The following EVL variants were observed in gnomAD, a reference collection of about 807,000 sequenced individuals.
EVL encodes the protein ena/VASP-like protein.
In EVL, 21 loss-of-function variants were observed where a neutral mutation model predicts 59.6. That is an observed-to-expected ratio of 0.35 (90% CI 0.25 to 0.51). The LOEUF (loss-of-function observed/expected upper bound fraction) is 0.51, where lower values mean the gene tolerates loss of function less well. EVL is among the 20% of genes least tolerant of loss of function. EVL has a pLI of 0.97. For missense variants in EVL, 462 were observed against 546.6 expected (o/e 0.85, Z 1.54); for synonymous variants, 198 against 203.5 (o/e 0.97, Z 0.23).
intron 13 of EVL, 22 bp from the exon 14 acceptor site, chr14:100,143,679 G>A (rs774202178): frequency 6.2e-7 from 1 of 1,610,974 alleles, no homozygotes; most frequent in East Asian, 2.2e-5. Context: ...CTGCACCTGA[G>A]CCGCCGCCAC....
intron 1 of EVL, among the ~76,000 whole-genome samples, chr14:100,022,941 G>A (rs544366181): frequency 9.2e-5 from 14 of 152,152 alleles, no homozygotes; most frequent in Non-Finnish European, 1.9e-4. Context: ...TTGCTGGAGT[G>A]CCAGAGAAGT....
At chr14:100,019,285 C>T (rs2140199221) in intron 1 of EVL, 2 of 202,692 alleles carry the variant, frequency 9.9e-6, no homozygotes, top group Non-Finnish European at 2.0e-5. Flanking sequence ...CCTCTCTCCC[C>T]AACCTGCACA....
At chr14:100,049,988 A>C (rs1441956874) in intron 1 of EVL, among the ~76,000 whole-genome samples, 1 of 152,204 alleles carries the variant, frequency 6.6e-6, no homozygotes, top group African/African-American at 2.4e-5. Context: ...TCACTTTCTG[A>C]GACATTAAGT....
In EVL at chr14:100,084,765, T is replaced by C. The variant is rs1448286681; in HGVS notation, c.90T>C (p.Pro30=). 6.2e-7 allele frequency: 1 copy of C among 1,614,180 alleles called. No homozygotes were observed. The highest frequency in any genetic ancestry group is 8.5e-7 in the Non-Finnish European group (1 of 1,180,038). ...GTAAGAAATGGGTACCAATCAAACC[T>C]GGCCAGCAGGGATTCAGCCGGATCA... ...DTSKKWVPIK[P]GQQGFSRINI... is the part of the protein sequence containing the mutation. Residue 30 remains proline (P), a synonymous_variant, in exon 2 of 14, where the codon CCT becomes CCC. Coordinates refer to ENST00000392920, the MANE Select transcript of EVL (RefSeq NM_016337.3).
At chr14:100,067,267 G>A (rs764304564) in intron 1 of EVL, among the ~76,000 whole-genome samples, 1 of 152,218 alleles carries the variant, frequency 6.6e-6, no homozygotes, top group East Asian at 1.9e-4. Context: ...GACACATGGG[G>A]ATACCGTGGC....
exon 1 of EVL, chr14:99,971,870 G>C (rs926086329): frequency 7.5e-5 from 11 of 147,246 alleles, no homozygotes; most frequent in African/African-American, 2.4e-4. Context: ...CTTCCCCGCA[G>C]CTAGCGGCCC....
At chr14:100,049,232 A>T (rs1595093974) in intron 1 of EVL, among the ~76,000 whole-genome samples, 2 of 152,350 alleles carry the variant, frequency 1.3e-5, no homozygotes, top group East Asian at 1.9e-4. Flanking sequence ...AACCATTGGA[A>T]ATCATTGATA....
chr14:100,044,838 TTGG>T (rs2061524216), intron 1 of EVL, among the ~76,000 whole-genome samples: 1 of 152,072 alleles, frequency 6.6e-6, no homozygotes, highest in Admixed American at 6.5e-5. Flanking sequence ...CAGGCTCACT[TTGG>T]TGGGAGCTTG....
intron 3 of EVL, among the ~76,000 whole-genome samples, chr14:100,117,012 A>G (rs7158754): frequency 0.8 from 122,395 of 152,204 alleles, 49,537 homozygotes; most frequent in African/African-American, 0.9. Flanking sequence ...GCCAAGGCGG[A>G]AAGGGACTGG....
chr14:100,093,034 A>C (rs2062598346), intron 2 of EVL, among the ~76,000 whole-genome samples: 1 of 152,194 alleles, frequency 6.6e-6, no homozygotes, highest in Non-Finnish European at 1.5e-5. Context: ...GACTCACTCT[A>C]AGCAGAGTAA....
At chr14:100,021,114 C>T (rs934061781) in intron 1 of EVL, among the ~76,000 whole-genome samples, 8 of 152,170 alleles carry the variant, frequency 5.3e-5, no homozygotes, top group East Asian at 1.9e-4. Flanking sequence ...AGCGCAATTG[C>T]GTAGTTCACG....
chr14:100,104,301 C>T (rs1411980307), intron 3 of EVL, among the ~76,000 whole-genome samples: 4 of 152,156 alleles, frequency 2.6e-5, no homozygotes, highest in South Asian at 2.1e-4. Context: ...GACCTTCAGC[C>T]GTTACTTTTC....
rs538495537 is a variant in EVL, at chr14:100,012,334, C to T, written c.5+40277C>T. Among the ~76,000 whole-genome samples, 11 of 152,276 alleles carry T rather than the reference C, an allele frequency of 7.2e-5. No individual in the cohort carries two copies. The South Asian group carries it at 1.9e-3, about 26-fold the overall frequency. On this transcript the variant is annotated intron_variant, in intron 1 of 13. Coordinates refer to the EVL transcript ENST00000402714. ...TCTTCTTTGACCTCTTCTCCCGCCT[C>T]GGGTGTAACAGTGCTGGTCACATGG...
intron 12 of EVL, among the ~76,000 whole-genome samples, 182 bp from the exon 13 acceptor site, chr14:100,141,554 T>C (rs1451364079): frequency 6.6e-6 from 1 of 152,172 alleles, no homozygotes; most frequent in East Asian, 1.9e-4. Context: ...GCAGCAGGAT[T>C]TTCCCAGGCC....
chr14:100,106,553 A>G (rs376103546), intron 3 of EVL: 8 of 260,972 alleles, frequency 3.1e-5, no homozygotes, highest in East Asian at 2.1e-4. Flanking sequence ...TGCACATTTT[A>G]TTATAGACTG....
Position 100,110,000 on chromosome 14 carries a change from T to TGTTTACAAA in EVL, c.358+12343_358+12344insTTTACAAAG, listed in dbSNP as rs1886857237. ...GGGTTGTTGTGAGGGTACCATGAGA[T>TGTTTACAAA]GATGTTTGTAAACATTCTTTGTCAC... On this transcript the variant is annotated intron_variant, in intron 3 of 13. Coordinates refer to ENST00000392920, the MANE Select transcript of EVL (RefSeq NM_016337.3). The surrounding 1 kb of genome is among the most constrained non-coding windows in gnomAD (Gnocchi z 4.3). 2.6e-5 allele frequency among the ~76,000 whole-genome samples: 4 copies of TGTTTACAAA among 152,388 alleles called. No homozygotes were observed. In the East Asian group the frequency reaches 5.8e-4, roughly 22 times the overall value.
At chr14:100,061,403 CAAAAAAAAAAAAAAA>C (rs56656380), upstream of EVL, among the ~76,000 whole-genome samples, 3 of 19,094 alleles carry the variant, frequency 1.6e-4, no homozygotes, top group Middle Eastern at 0.045. Flanking sequence ...GACCCTGTCT[CAAAAAAAAAAAAAAA>C]AAAAAAAAAA....
chr14:100,029,790 T>C (rs1429596822), intron 1 of EVL, among the ~76,000 whole-genome samples: 2 of 152,124 alleles, frequency 1.3e-5, no homozygotes, highest in Non-Finnish European at 2.9e-5. Flanking sequence ...ATGCTTTAGC[T>C]GATTGAGGGG....
At chr14:100,053,719 GT>G (rs2061682148) in intron 1 of EVL, among the ~76,000 whole-genome samples, 1 of 152,126 alleles carries the variant, frequency 6.6e-6, no homozygotes, top group South Asian at 2.1e-4. Context: ...TCTTTATCTA[GT>G]TTTTATATAT....
Sources: gnomAD v4.1 joint callset for allele counts (sites outside exome capture counted in the v4.1 genomes callset) on GRCh38, gnomAD v4.1.1 for gene constraint, Gnocchi (gnomAD v3.1) non-coding constraint, MANE v1.5 for transcripts, NCBI Gene and HGNC (gene_info 2026-07-23, HGNC 2026-07-21) for gene names.